ARMH1: variants seen among roughly 807,000 people sequenced by gnomAD.
ARMH1 encodes armadillo like helical domain containing 1.
A neutral mutation model predicts 50.2 loss-of-function variants in ARMH1; 34 were observed. The observed-to-expected ratio is 0.68, with a 90% CI of 0.51 to 0.90. The LOEUF (loss-of-function observed/expected upper bound fraction) is 0.90, where lower values mean the gene tolerates loss of function less well. Ranked by LOEUF, ARMH1 falls within the 40% of genes least tolerant of loss-of-function variation. ARMH1 has a pLI of 0.00. For missense variants in ARMH1, 538 were observed against 553.9 expected, an observed-to-expected ratio of 0.97 and a Z score of 0.29; for synonymous variants, 221 against 224.2, an observed-to-expected ratio of 0.99 and a Z score of 0.13.
intron 6 of ARMH1, among the ~76,000 whole-genome samples, chr1:44,706,981 G>GTCCA (rs1182530917): frequency 6.6e-6 from 1 of 151,920 alleles, no homozygotes; most frequent in Non-Finnish European, 1.5e-5. Context: ...CTCCTCATCC[G>GTCCA]TCCATCACTT....
intron 5 of ARMH1, among the ~76,000 whole-genome samples, chr1:44,703,552 G>A (rs1291142252): frequency 3.0e-4 from 37 of 123,980 alleles, no homozygotes; most frequent in Admixed American, 1.4e-3. Context: ...GGGAAACTCC[G>A]TCTCTACTAA....
intron 2 of ARMH1, among the ~76,000 whole-genome samples, chr1:44,690,942 C>T (rs1017349848): frequency 5.3e-5 from 8 of 151,994 alleles, no homozygotes; most frequent in Admixed American, 2.0e-4. Context: ...CATAAGACAC[C>T]GCGCCCAGTG....
intron 2 of ARMH1, among the ~76,000 whole-genome samples, chr1:44,692,150 G>A (rs1412640284): frequency 6.6e-6 from 1 of 152,164 alleles, no homozygotes; most frequent in Non-Finnish European, 1.5e-5. Context: ...AGCTACTTGG[G>A]AGGCTGAGGA....
intron 2 of ARMH1, among the ~76,000 whole-genome samples, 190 bp from the exon 3 acceptor site, chr1:44,696,912 C>G (rs1301294635): frequency 2.6e-5 from 4 of 152,126 alleles, no homozygotes; most frequent in Non-Finnish European, 5.9e-5. Flanking sequence ...CAGTGAACAG[C>G]CAGCACCCTC....
intron 6 of ARMH1, 29 bp downstream of exon 6, chr1:44,704,202 G>A (rs1047277477): frequency 6.0e-6 from 9 of 1,491,850 alleles, no homozygotes; most frequent in African/African-American, 1.4e-5. Flanking sequence ...GCAGAAGGGG[G>A]CACCGAGAGC....
At chr1:44,698,905 T>C (rs1645925754) in intron 4 of ARMH1, among the ~76,000 whole-genome samples, 1 of 151,894 alleles carries the variant, frequency 6.6e-6, no homozygotes, top group Non-Finnish European at 1.5e-5. Context: ...CCCAGCACTT[T>C]GGGAGGCCAA....
intron 6 of ARMH1, chr1:44,721,911 A>AG (rs1647288765): frequency 6.6e-6 from 1 of 152,250 alleles, no homozygotes. Flanking sequence ...TCTGCCTGTT[A>AG]GCCTTTTGCC....
In ARMH1 at chr1:44,682,964, T is replaced by A. The variant is rs1645359619; in HGVS notation, c.-22-6712T>A. ...CAAAAATAAAAATAAAAATAAAAAA[T>A]CTCACATCACTGTGGAGTTTAGGCT... is the stretch of plus-strand genomic sequence containing the variant. On this transcript the variant is annotated intron_variant, in intron 1 of 11. Transcript: ENST00000535358. The surrounding 1 kb of genome is among the most constrained non-coding windows in gnomAD (Gnocchi z 4.5). 6.6e-6 allele frequency among the ~76,000 whole-genome samples: 1 copy of A among 151,990 alleles called. No individual in the cohort carries two copies. Among genetic ancestry groups the A allele is most frequent in the African/African-American group, 2.4e-5 (1 of 41,358 alleles).
chr1:44,704,218 A>AT (rs887371446), intron 6 of ARMH1, 45 bp downstream of exon 6: 8 of 1,389,958 alleles, frequency 5.8e-6, no homozygotes, highest in Non-Finnish European at 8.0e-6. Flanking sequence ...AGAGCCAGAC[A>AT]TATCAGCTCT....
intron 3 of ARMH1, among the ~76,000 whole-genome samples, chr1:44,697,384 C>G (rs1645863193): frequency 6.6e-6 from 1 of 152,138 alleles, no homozygotes. Context: ...TCAGCACCCT[C>G]TCGGTTGTGA....
In ARMH1 at chr1:44,689,722, G is replaced by A; in HGVS notation, c.25G>A (p.Ala9Thr). The A allele has an allele frequency of 6.4e-7, 1 of 1,552,016 alleles. No homozygotes were observed. The highest frequency in any genetic ancestry group is 1.4e-5 in the African/African-American group (1 of 73,156). ...CATGACTTCTATAAAGGAGCAGGCA[G>A]CAATTAGCAGGCTCTTAAGTTTTTT... is the stretch of plus-strand genomic sequence containing the variant. Reference protein sequence around the residue: MTSIKEQAAISRLLSFLQE... With the variant: MTSIKEQATISRLLSFLQE... Residue 9 changes from alanine (A) to threonine (T), a missense_variant, in exon 2 of 12, where the codon GCA becomes ACA. Physicochemically the swap from Ala to Thr is moderately conservative, Grantham distance 58. Transcript: ENST00000535358.
chr1:44,685,631 T>G (rs1645444572), intron 1 of ARMH1, among the ~76,000 whole-genome samples: 1 of 148,058 alleles, frequency 6.8e-6, no homozygotes, highest in African/African-American at 2.6e-5. Flanking sequence ...TTTCTTTTTT[T>G]TTCTTTTTTT....
chr1:44,688,262 G>A (rs1328444068), intron 1 of ARMH1: 1 of 152,346 alleles, frequency 6.6e-6, no homozygotes, highest in Non-Finnish European at 1.5e-5. Context: ...CCATCCTGGA[G>A]GCTGCGTGGA....
rs1471462061 is a variant in ARMH1 at position 44,683,429 on chromosome 1, G to A, written c.-22-6247G>A. The stretch of plus-strand genomic sequence containing the variant: ...TAATTTGAAGTGATGGGGTGAATGA[G>A]GTCACCCAGGGATTACAAAGCATGA... On this transcript the variant is annotated intron_variant, in intron 1 of 11. Coordinates refer to ENST00000535358, the MANE Select transcript of ARMH1 (RefSeq NM_001145636.2). The surrounding 1 kb of genome is among the most constrained non-coding windows in gnomAD (Gnocchi z 4.2). 6.6e-6 allele frequency among the ~76,000 whole-genome samples: 1 copy of A among 152,196 alleles called. No homozygotes were observed. Among genetic ancestry groups the A allele is most frequent in the East Asian group, 1.9e-4 (1 of 5,192 alleles).
chr1:44,721,778 G>C (rs75290327), intron 6 of ARMH1: 13 of 152,202 alleles, frequency 8.5e-5, no homozygotes, highest in East Asian at 5.8e-4. Context: ...TTTAGTAACA[G>C]AACATTCAGC....
Position 44,724,305 on chromosome 1 carries a change from C to T in ARMH1, c.848-15C>T. 6.4e-7 allele frequency: 1 copy of T among 1,551,094 alleles called. No individual in the cohort carries two copies. The highest frequency in any genetic ancestry group is 1.2e-5 in the South Asian group (1 of 84,014). On this transcript the variant is annotated splice_polypyrimidine_tract_variant and intron_variant, in intron 7 of 11. Coordinates refer to ENST00000535358, the MANE Select transcript of ARMH1 (RefSeq NM_001145636.2). The surrounding 1 kb of genome is among the most constrained non-coding windows in gnomAD (Gnocchi z 6.4). The stretch of plus-strand genomic sequence containing the variant: ...GGGAGGGCGGTCTCTTGCCTCACGG[C>T]TGCCCCCTCCTCAGACCCCTCGGTT...
intron 6 of ARMH1, chr1:44,721,756 C>T (rs138512203): frequency 5.9e-5 from 9 of 152,256 alleles, no homozygotes; most frequent in East Asian, 1.9e-4. Context: ...ACACCCCACC[C>T]ACACGTCTCT....
At chr1:44,706,399 G>T (rs1275541394) in intron 6 of ARMH1, among the ~76,000 whole-genome samples, 3 of 152,176 alleles carry the variant, frequency 2.0e-5, no homozygotes, top group Non-Finnish European at 4.4e-5. Flanking sequence ...GCCCCAGTAA[G>T]CAGGAATGGT....
chr1:44,712,278 G>A (rs1557553387), intron 6 of ARMH1, among the ~76,000 whole-genome samples: 2 of 152,146 alleles, frequency 1.3e-5, no homozygotes. Context: ...GGGCAACAAG[G>A]TGAAATCCTC....
Sources: allele counts gnomAD v4.1 joint callset (sites outside exome capture counted in the v4.1 genomes callset), GRCh38; gene constraint gnomAD v4.1.1; non-coding constraint Gnocchi (gnomAD v3.1); transcripts MANE v1.5; gene names NCBI Gene and HGNC (gene_info 2026-07-23, HGNC 2026-07-21).